IL17RB: variants seen among roughly 807,000 people sequenced by gnomAD.
IL17RB encodes the protein interleukin 17 receptor B, also known as interleukin-17 receptor B.
In IL17RB, 36 loss-of-function variants were observed where a neutral mutation model predicts 43.9. The observed-to-expected ratio is 0.82, with a 90% CI of 0.63 to 1.08. The LOEUF is 1.08. Ranked by LOEUF, IL17RB falls within the 50% of genes least tolerant of loss-of-function variation. The probability of loss-of-function intolerance (pLI) is 0.00; values close to 1 mark genes in which losing one functional copy is unlikely to be tolerated. For synonymous variants in IL17RB, 225 were observed against 225.4 expected, an observed-to-expected ratio of 1.00 and a Z score of 0.02; for missense variants, 613 against 613.6, an observed-to-expected ratio of 1.00 and a Z score of 0.01.
At chr3:53,849,300 G>C (rs556448886) in intron 2 of IL17RB, among the ~76,000 whole-genome samples, 2 of 152,350 alleles carry the variant, frequency 1.3e-5, no homozygotes, top group African/African-American at 4.8e-5. Flanking sequence ...AAGCCAGGAG[G>C]TTGAGAGTAC....
Position 53,856,997 on chromosome 3 carries a change from T to G in IL17RB, c.672+11T>G. The G allele has an allele frequency of 6.2e-7, 1 of 1,613,514 alleles. No homozygotes were observed. The highest frequency in any genetic ancestry group is 8.5e-7 in the Non-Finnish European group (1 of 1,179,952). Reference sequence around the variant, plus strand: ...TCTCAGGTGTTTGAGGTACTTTTTCTCTTCGTCCCCTTCACCTCGTCCTCC... The same window carrying G: ...TCTCAGGTGTTTGAGGTACTTTTTCGCTTCGTCCCCTTCACCTCGTCCTCC... On this transcript the variant is annotated intron_variant, in intron 7 of 10. Transcript: ENST00000288167.
chr3:53,865,456 G>GCTAA lies in IL17RB; in HGVS notation c.*153_*156dup. 3.5e-6 allele frequency: 2 copies of GCTAA among 579,292 alleles called. No homozygotes were observed. Among genetic ancestry groups the GCTAA allele is most frequent in the Non-Finnish European group, 5.8e-6 (2 of 343,554 alleles). 35.9% of individuals were successfully genotyped at this position (579,292 alleles called of 1,614,324 possible). A position where few individuals can be genotyped will look rare whatever the true frequency, so the allele number is the denominator to read the frequency against. On this transcript the variant is annotated 3_prime_UTR_variant, in exon 11 of 11. Coordinates refer to ENST00000288167, the MANE Select transcript of IL17RB (RefSeq NM_018725.4). ...TATACCAATAAAATTTTCAAATATTGCTAACTAATGTAGCATTAACTAACG... is the reference window on the plus strand; with the variant it reads ...TATACCAATAAAATTTTCAAATATTGCTAACTAACTAATGTAGCATTAACTAACG...
chr3:53,852,164 T>G (rs745557794), intron 4 of IL17RB, 38 bp downstream of exon 4: 20 of 1,586,300 alleles, frequency 1.3e-5, no homozygotes, highest in Non-Finnish European at 1.7e-5. Flanking sequence ...TTTTTTGAGA[T>G]AGCATCTTGT....
At chr3:53,858,452 C>A (rs766396910) in intron 8 of IL17RB, 2 of 1,275,544 alleles carry the variant, frequency 1.6e-6, no homozygotes, top group Admixed American at 3.5e-5. Context: ...TATGACCTAG[C>A]CCTTTTAGGT....
intron 6 of IL17RB, among the ~76,000 whole-genome samples, chr3:53,856,517 G>A (rs1170684981): frequency 6.6e-6 from 1 of 152,152 alleles, no homozygotes; most frequent in Non-Finnish European, 1.5e-5. Context: ...CCCATCCTGG[G>A]AAGTAGAAAA....
At chr3:53,863,072 T>C (rs1167076746) in intron 10 of IL17RB, among the ~76,000 whole-genome samples, 1 of 152,144 alleles carries the variant, frequency 6.6e-6, no homozygotes, top group African/African-American at 2.4e-5. Flanking sequence ...TTAGTAAATA[T>C]ATTTTCTCAT....
intron 7 of IL17RB, 21 bp from the exon 8 acceptor site, chr3:53,857,595 C>A (rs769324532): frequency 3.7e-6 from 6 of 1,610,380 alleles, no homozygotes; most frequent in African/African-American, 1.3e-5. Context: ...CCTCATAATT[C>A]TTGACTCTCT....
At position 53,865,360 on chromosome 3, in the gene IL17RB, A is replaced by C; in HGVS notation, c.*52A>C. ...AAAGGCTTCCTATCCCACCAATTACAGGGAAAAAACGTGTGATGATCCTGA... is the reference window on the plus strand; with the variant it reads ...AAAGGCTTCCTATCCCACCAATTACCGGGAAAAAACGTGTGATGATCCTGA... On this transcript the variant is annotated 3_prime_UTR_variant, in exon 11 of 11. Coordinates refer to ENST00000288167, the MANE Select transcript of IL17RB (RefSeq NM_018725.4). The C allele has an allele frequency of 1.4e-6, 2 of 1,429,536 alleles. No individual in the cohort carries two copies. The highest frequency in any genetic ancestry group is 1.9e-6 in the Non-Finnish European group (2 of 1,058,988). 88.6% of individuals were successfully genotyped at this position (1,429,536 alleles called of 1,614,324 possible).
chr3:53,855,325 A>G lies in IL17RB; in HGVS notation c.513A>G (p.Lys171=), dbSNP rs762342716. The stretch of plus-strand genomic sequence containing the variant: ...TAGACCACATAATGAAATATAAAAA[A>G]AAGTGTGTCAAGGCCGGTAAGTAAA... ...GCLDHIMKYK[K]KCVKAGSLWD... is the part of the protein sequence containing the mutation. The change falls in exon 6 of 11, where the codon AAA becomes AAG. Residue 171 remains lysine (K), a synonymous_variant. Coordinates refer to ENST00000288167, the MANE Select transcript of IL17RB (RefSeq NM_018725.4). 1.6e-5 allele frequency: 25 copies of G among 1,607,298 alleles called. No homozygotes were observed. Among genetic ancestry groups the G allele is most frequent in the Non-Finnish European group, 2.1e-5 (25 of 1,175,078 alleles).
intron 6 of IL17RB, among the ~76,000 whole-genome samples, chr3:53,856,110 T>C (rs1346009961): frequency 6.6e-6 from 1 of 152,120 alleles, no homozygotes; most frequent in Non-Finnish European, 1.5e-5. Flanking sequence ...CCACCAAGGG[T>C]ACAGAGAACA....
At chr3:53,860,487 C>T in intron 10 of IL17RB, 1 of 312,900 alleles carries the variant, frequency 3.2e-6, no homozygotes, top group South Asian at 1.1e-4. Context: ...TCTACCAGTA[C>T]TGAAATGGGC....
Position 53,858,831 on chromosome 3 carries a change from T to C in IL17RB, c.847+13T>C, listed in dbSNP as rs1397852395. The C allele has an allele frequency of 1.3e-6, 2 of 1,597,692 alleles. 1 individual carries two copies. Among genetic ancestry groups the C allele is most frequent in the South Asian group, 2.2e-5 (2 of 90,716 alleles). ...CCTCTGGATAACAGTAAGTGCCCAGTAACTTCAACCAGATGATCAAAGTGG... is the reference window on the plus strand; with the variant it reads ...CCTCTGGATAACAGTAAGTGCCCAGCAACTTCAACCAGATGATCAAAGTGG... On this transcript the variant is annotated intron_variant, in intron 9 of 10. Transcript: ENST00000288167.
Position 53,865,095 on chromosome 3 carries a change from T to C in IL17RB, c.1296T>C (p.Ser432=). 4 of 1,614,122 alleles carry C rather than the reference T, an allele frequency of 2.5e-6. No individual in the cohort carries two copies. Among genetic ancestry groups the C allele is most frequent in the Non-Finnish European group, 3.4e-6 (4 of 1,179,930 alleles). ...LFPLAFNLFC[S]DLRSQIHLHK... Reference sequence around the variant, plus strand: ...CCCTTGCCTTTAACCTTTTCTGCAGTGATCTAAGAAGCCAGATTCATCTGC... The same window carrying C: ...CCCTTGCCTTTAACCTTTTCTGCAGCGATCTAAGAAGCCAGATTCATCTGC... Residue 432 remains serine, a synonymous_variant, in exon 11 of 11, where the codon AGT becomes AGC. Coordinates refer to ENST00000288167, the MANE Select transcript of IL17RB (RefSeq NM_018725.4).
At chr3:53,853,240 T>C (rs1341092392) in intron 5 of IL17RB, among the ~76,000 whole-genome samples, 3 of 152,236 alleles carry the variant, frequency 2.0e-5, no homozygotes, top group Non-Finnish European at 4.4e-5. Flanking sequence ...ATACTTGATA[T>C]GCATCATCTC....
chr3:53,855,399 A>G (rs1699296731), intron 6 of IL17RB, 58 bp downstream of exon 6: 7 of 1,202,152 alleles, frequency 5.8e-6, no homozygotes, highest in Admixed American at 5.4e-5. Context: ...TTGAGGCAGC[A>G]TAGCTCTCTT....
At chr3:53,848,733 C>T in intron 2 of IL17RB, 45 bp downstream of exon 2, 2 of 1,599,514 alleles carry the variant, frequency 1.3e-6, no homozygotes, top group Non-Finnish European at 1.7e-6. Context: ...ACATTGAAAG[C>T]ACAGTTGGAC....
At chr3:53,856,535 C>T (rs573425793) in intron 6 of IL17RB, among the ~76,000 whole-genome samples, 1 of 152,226 alleles carries the variant, frequency 6.6e-6, no homozygotes, top group East Asian at 1.9e-4. Context: ...AAATACTGAC[C>T]CTATCCCTTA....
At chr3:53,851,941 C>G in intron 3 of IL17RB, 58 bp from the exon 4 acceptor site, 1 of 1,595,700 alleles carries the variant, frequency 6.3e-7, no homozygotes, top group South Asian at 1.1e-5. Context: ...CATCTAGCAT[C>G]AAGTCAGCCA....
chr3:53,865,226 G>C lies in IL17RB; in HGVS notation c.1427G>C (p.Cys476Ser). 4 of 1,613,730 alleles carry C rather than the reference G, an allele frequency of 2.5e-6. No individual in the cohort carries two copies. Among genetic ancestry groups the C allele is most frequent in the Non-Finnish European group, 3.4e-6 (4 of 1,180,022 alleles). Reference sequence around the variant, plus strand: ...CTCATGAAGGATGCCACTGCTTTCTGTGCAGAACTTCTCCATGTCAAGCAG... The same window carrying C: ...CTCATGAAGGATGCCACTGCTTTCTCTGCAGAACTTCTCCATGTCAAGCAG... ...YHLMKDATAFCAELLHVKQQV... is the reference protein window; with the variant it reads ...YHLMKDATAFSAELLHVKQQV... Residue 476 changes from cysteine to serine, a missense_variant, in exon 11 of 11, where the codon TGT (cysteine) becomes TCT (serine). Physicochemically the swap from Cys to Ser is moderately radical, Grantham distance 112. Coordinates refer to ENST00000288167, the MANE Select transcript of IL17RB (RefSeq NM_018725.4).
Sources: gnomAD v4.1 joint callset for allele counts (sites outside exome capture counted in the v4.1 genomes callset) on GRCh38, gnomAD v4.1.1 for gene constraint, MANE v1.5 for transcripts, NCBI Gene and HGNC (gene_info 2026-07-23, HGNC 2026-07-21) for gene names.